The following ST13 variants were observed in gnomAD, a reference collection of about 807,000 sequenced individuals.
ST13 encodes hsc70-interacting protein.
A neutral mutation model predicts 56.7 loss-of-function variants in ST13; 23 were observed. The observed-to-expected ratio is 0.41, with a 90% confidence interval of 0.29 to 0.57. The LOEUF (loss-of-function observed/expected upper bound fraction) is 0.57. Among genes scored for constraint, ST13 ranks in the 20% least tolerant of loss-of-function variants. The pLI is 0.36. For synonymous variants in ST13, 132 were observed against 142.4 expected (o/e 0.93, Z 0.52); for missense variants, 369 against 459.9 (o/e 0.80, Z 1.81).
In ST13 at chr22:40,835,689, A is replaced by C; in HGVS notation, c.468-19T>G. The stretch of plus-strand genomic sequence containing the variant: ...GAAGACACTGAAAAATAAGTGTGTT[A>C]TTAAAAAGTATTCATTTCAGTAAAA... On this transcript the variant is annotated intron_variant, in intron 6 of 11. Transcript: ENST00000216218. The C allele has an allele frequency of 6.2e-7, 1 of 1,605,378 alleles. No individual in the cohort carries two copies. The highest frequency in any genetic ancestry group is 8.5e-7 in the Non-Finnish European group (1 of 1,172,038).
chr22:40,846,776 C>T (rs549398421), intron 3 of ST13, among the ~76,000 whole-genome samples: 5 of 152,144 alleles, frequency 3.3e-5, no homozygotes, highest in East Asian at 1.9e-4. Flanking sequence ...GCAGATCACC[C>T]GAGGTCAGGA....
chr22:40,839,153 A>AGGCAACTGCAGTATAAAACAG (rs1218342213), intron 5 of ST13, among the ~76,000 whole-genome samples: 1 of 152,214 alleles, frequency 6.6e-6, no homozygotes, highest in Non-Finnish European at 1.5e-5. Flanking sequence ...TAAACTATTA[A>AGGCAACTGCAGTATAAAACAG]GGCAACTGCA....
intron 3 of ST13, among the ~76,000 whole-genome samples, 162 bp downstream of exon 3, chr22:40,848,129 TTCA>T (rs1569004607): frequency 6.6e-6 from 1 of 152,224 alleles, no homozygotes; most frequent in African/African-American, 2.4e-5. Flanking sequence ...CTGAATTTAT[TTCA>T]TGTTTCCTTT....
intron 4 of ST13, among the ~76,000 whole-genome samples, chr22:40,844,513 T>C (rs1325493024): frequency 2.0e-5 from 3 of 152,184 alleles, no homozygotes; most frequent in Non-Finnish European, 1.5e-5. Flanking sequence ...GGGCCTGTTA[T>C]GACAAACCAT....
chr22:40,838,541 T>C (rs926010000), intron 5 of ST13, among the ~76,000 whole-genome samples: 2 of 151,374 alleles, frequency 1.3e-5, no homozygotes, highest in African/African-American at 4.9e-5. Context: ...TTGGGAGGCC[T>C]GCTTGAGGGC....
chr22:40,851,746 TTC>T (rs1240563016), intron 1 of ST13, among the ~76,000 whole-genome samples: 2 of 150,320 alleles, frequency 1.3e-5, no homozygotes, highest in Non-Finnish European at 3.0e-5. Context: ...ACAGAAAGGG[TTC>T]TTTTTTTTTT....
At chr22:40,855,086 G>GT (rs1188023483) in intron 1 of ST13, among the ~76,000 whole-genome samples, 1 of 152,306 alleles carries the variant, frequency 6.6e-6, no homozygotes, top group Admixed American at 6.5e-5. Context: ...ATTGTAACGA[G>GT]TTTTTTCCTT....
Position 40,827,054 on chromosome 22 carries a change from C to A in ST13, c.981+42G>T, listed in dbSNP as rs189290916. 2.3e-5 allele frequency: 37 copies of A among 1,599,698 alleles called. No homozygotes were observed. The African/African-American group carries it at 3.5e-4, about 15-fold the overall frequency. ...TCCACACAGAATTATGAAAGAATTG[C>A]CTTAATGATACAAAGTCCAAAGTTT... On this transcript the variant is annotated intron_variant, in intron 11 of 11. Transcript: ENST00000216218.
chr22:40,842,756 T>C (rs1030255635), intron 4 of ST13, among the ~76,000 whole-genome samples: 2 of 152,082 alleles, frequency 1.3e-5, no homozygotes, highest in African/African-American at 4.8e-5. Flanking sequence ...CCTAGACACA[T>C]CATAAAAGAA....
intron 2 of ST13, among the ~76,000 whole-genome samples, chr22:40,849,778 C>T (rs796710375): frequency 9.2e-5 from 14 of 152,056 alleles, no homozygotes; most frequent in African/African-American, 3.4e-4. Flanking sequence ...TGGGCTTTTG[C>T]TTACCTTTTC....
At chr22:40,832,699 A>G in intron 7 of ST13, 28 bp from the exon 8 acceptor site, 1 of 1,504,854 alleles carries the variant, frequency 6.6e-7, no homozygotes, top group Non-Finnish European at 9.1e-7. Flanking sequence ...TCATTTTAGG[A>G]GCCTTTTATA....
rs6002176 is a variant in ST13 at position 40,840,835 on chromosome 22, T to C, written c.316-143A>G. 442 of 662,114 alleles carry C rather than the reference T, an allele frequency of 6.7e-4. 7 individuals are homozygous for C. The African/African-American group carries it at 7.2e-3, about 11-fold the overall frequency. 41.0% of individuals were successfully genotyped at this position (662,114 alleles called of 1,614,324 possible). On this transcript the variant is annotated intron_variant, in intron 4 of 11. Coordinates refer to ENST00000216218, the MANE Select transcript of ST13 (RefSeq NM_003932.5). ...TCTCCAGAGAACAAAGAGACAATTATGATAACTCATTAGTGAGAAATTACA... is the reference window on the plus strand; with the variant it reads ...TCTCCAGAGAACAAAGAGACAATTACGATAACTCATTAGTGAGAAATTACA...
In ST13 at chr22:40,825,142, A is replaced by C. The variant is rs910273030; in HGVS notation, c.*1396T>G. On this transcript the variant is annotated 3_prime_UTR_variant, in exon 12 of 12. Coordinates refer to ENST00000216218, the MANE Select transcript of ST13 (RefSeq NM_003932.5). ...ATAAGAATTGAATGCACAACAGAAAATTTATCATTTTCTTTATCATTGGAG... is the reference window on the plus strand; with the variant it reads ...ATAAGAATTGAATGCACAACAGAAACTTTATCATTTTCTTTATCATTGGAG... 1 of 152,086 alleles carries C rather than the reference A, an allele frequency of 6.6e-6. No homozygotes were observed. Among genetic ancestry groups the C allele is most frequent in the Non-Finnish European group, 1.5e-5 (1 of 68,014 alleles). 9.4% of individuals were successfully genotyped at this position (152,086 alleles called of 1,614,324 possible).
chr22:40,825,665 T>C lies in ST13; in HGVS notation c.*873A>G, dbSNP rs149037812. 2.6e-5 allele frequency: 4 copies of C among 152,212 alleles called. No individual in the cohort carries two copies. The East Asian group carries it at 7.7e-4, about 29-fold the overall frequency. 9.4% of individuals were successfully genotyped at this position (152,212 alleles called of 1,614,324 possible). On this transcript the variant is annotated 3_prime_UTR_variant, in exon 12 of 12. Transcript: ENST00000216218. ...GATGCCGGTGGAAAAAGCCTGTCTTTAGCTCAAGAAAAGTAAGGGAGACAA... is the reference window on the plus strand; with the variant it reads ...GATGCCGGTGGAAAAAGCCTGTCTTCAGCTCAAGAAAAGTAAGGGAGACAA...
chr22:40,835,405 G>T, intron 7 of ST13, 155 bp downstream of exon 7: 2 of 515,684 alleles, frequency 3.9e-6, no homozygotes, highest in Non-Finnish European at 3.5e-6. Context: ...CTTTTAAGCA[G>T]CTGTCTACAA....
chr22:40,835,742 T>C lies in ST13; in HGVS notation c.467+61A>G, dbSNP rs1057022796. ...TTTGGGATCAACACAGAAGCAACTC[T>C]ATTTAAACAAATGTGCAGAAATTAT... On this transcript the variant is annotated intron_variant, in intron 6 of 11. Coordinates refer to ENST00000216218, the MANE Select transcript of ST13 (RefSeq NM_003932.5). 6 of 1,595,896 alleles carry C rather than the reference T, an allele frequency of 3.8e-6. No individual in the cohort carries two copies. The African/African-American group carries it at 4.0e-5, about 11-fold the overall frequency.
intron 11 of ST13, 36 bp downstream of exon 11, chr22:40,827,060 T>C (rs747288225): frequency 5.6e-6 from 9 of 1,602,896 alleles, no homozygotes; most frequent in South Asian, 1.1e-5. Context: ...ATTGCCTTAA[T>C]GATACAAAGT....
At chr22:40,828,470 G>A (rs997084258) in intron 10 of ST13, among the ~76,000 whole-genome samples, 6 of 151,706 alleles carry the variant, frequency 4.0e-5, no homozygotes, top group South Asian at 2.1e-4. Context: ...AAAATTAGCC[G>A]GGCGTGGTGG....
At chr22:40,840,165 A>C (rs546490324) in intron 5 of ST13, among the ~76,000 whole-genome samples, 32 of 152,220 alleles carry the variant, frequency 2.1e-4, no homozygotes, top group East Asian at 7.7e-4. Flanking sequence ...AACCAACCAA[A>C]CAAACAAACA....
Sources: allele counts gnomAD v4.1 joint callset (sites outside exome capture counted in the v4.1 genomes callset), GRCh38; gene constraint gnomAD v4.1.1; transcripts MANE v1.5; gene names NCBI Gene and HGNC (gene_info 2026-07-23, HGNC 2026-07-21).